The following LMF1 variants were observed in gnomAD, a reference collection of about 807,000 sequenced individuals.
LMF1 encodes lipase maturation factor 1, also known as transmembrane protein 112.
In LMF1, 68 loss-of-function variants were observed where a neutral mutation model predicts 60.6. The ratio of observed to expected loss-of-function variants is 1.12; its 90% CI spans 0.92 to 1.37. LMF1 has a LOEUF of 1.37. LMF1 is among the 40% of genes most tolerant of loss of function. The pLI is 0.00. For synonymous variants in LMF1, 418 were observed against 324.7 expected, an observed-to-expected ratio of 1.29 and a Z score of -3.09; for missense variants, 948 against 767.2, an observed-to-expected ratio of 1.24 and a Z score of -2.78.
In LMF1 at chr16:874,733, C is replaced by T. The variant is rs998515282; in HGVS notation, c.898-3392G>A. ...GGAACCAGGACGGGATCCGGGGAGG[C>T]GGCGCTCAGATGGGAACACACGGAA... On this transcript the variant is annotated intron_variant, in intron 6 of 10. Coordinates refer to ENST00000262301, the MANE Select transcript of LMF1 (RefSeq NM_022773.4). The surrounding 1 kb of genome is among the most constrained non-coding windows in gnomAD (Gnocchi z 4.1). Among the ~76,000 whole-genome samples the T allele has an allele frequency of 1.3e-5, 2 of 151,614 alleles. No individual in the cohort carries two copies. The highest frequency in any genetic ancestry group is 2.9e-5 in the Non-Finnish European group (2 of 67,826).
At chr16:931,773 C>T in intron 3 of LMF1, 2 of 1,287,180 alleles carry the variant, frequency 1.6e-6, no homozygotes, top group Non-Finnish European at 2.0e-6. Flanking sequence ...GCGCGACAGT[C>T]CAAAGTGACG....
intron 10 of LMF1, among the ~76,000 whole-genome samples, chr16:857,924 T>A (rs866625126): frequency 4.1e-4 from 11 of 26,968 alleles, no homozygotes; most frequent in African/African-American, 5.4e-4. Context: ...GCGTGGTGTC[T>A]CGGGATGGGT....
chr16:912,645 C>A (rs556801131), intron 3 of LMF1, among the ~76,000 whole-genome samples: 1 of 152,182 alleles, frequency 6.6e-6, no homozygotes, highest in Non-Finnish European at 1.5e-5. Flanking sequence ...GGTCTCTCAG[C>A]GGGACCCCCT....
At chr16:938,033 T>A (rs2071992400) in intron 2 of LMF1, among the ~76,000 whole-genome samples, 2 of 126,882 alleles carry the variant, frequency 1.6e-5, no homozygotes, top group African/African-American at 7.8e-5. Context: ...TTACAGAAGT[T>A]ACCAAAAAAA....
intron 3 of LMF1, among the ~76,000 whole-genome samples, chr16:928,108 C>T (rs2071662942): frequency 6.6e-6 from 1 of 152,244 alleles, no homozygotes; most frequent in African/African-American, 2.4e-5. Flanking sequence ...AGGCACCCAA[C>T]GCTGGGACAG....
intron 4 of LMF1, among the ~76,000 whole-genome samples, chr16:907,676 G>A (rs527694641): frequency 8.5e-5 from 13 of 152,264 alleles, no homozygotes; most frequent in East Asian, 3.9e-4. Context: ...CCAAGTGCGC[G>A]AGCGGGGGAA....
At chr16:937,409 CCTCT>C (rs1370483557) in intron 2 of LMF1, among the ~76,000 whole-genome samples, 3 of 152,188 alleles carry the variant, frequency 2.0e-5, no homozygotes, top group East Asian at 3.9e-4. Context: ...TAACACGCTC[CCTCT>C]GACTGCCTAG....
chr16:962,298 G>A lies in LMF1; in HGVS notation c.194-7632C>T, dbSNP rs115023734. On this transcript the variant is annotated intron_variant, in intron 1 of 10. Coordinates refer to ENST00000262301, the MANE Select transcript of LMF1 (RefSeq NM_022773.4). This position sits in a 1 kb window ranked among gnomAD's most constrained non-coding sequence, Gnocchi z 4.5. Reference sequence around the variant, plus strand: ...CGACCCAGAGGGAAAATAAATGGGCGTGGGTCCATAGTGACAAAATCAGTG... The same window carrying A: ...CGACCCAGAGGGAAAATAAATGGGCATGGGTCCATAGTGACAAAATCAGTG... 6.6e-6 allele frequency among the ~76,000 whole-genome samples: 1 copy of A among 151,104 alleles called. No homozygotes were observed. Among genetic ancestry groups the A allele is most frequent in the African/African-American group, 2.5e-5 (1 of 40,408 alleles).
At chr16:890,999 C>T (rs1052846094) in intron 5 of LMF1, among the ~76,000 whole-genome samples, 1 of 152,232 alleles carries the variant, frequency 6.6e-6, no homozygotes, top group African/African-American at 2.4e-5. Context: ...TGACGGCTGA[C>T]ACAGAGCACT....
chr16:917,268 C>T (rs115831022), intron 3 of LMF1, among the ~76,000 whole-genome samples: 8 of 150,926 alleles, frequency 5.3e-5, no homozygotes, highest in African/African-American at 9.9e-5. Context: ...CGCAGGCCCA[C>T]GTGAAGAAAT....
At chr16:889,455 C>G (rs1053171347) in intron 5 of LMF1, among the ~76,000 whole-genome samples, 1 of 151,914 alleles carries the variant, frequency 6.6e-6, no homozygotes, top group African/African-American at 2.4e-5. Flanking sequence ...TCTGCACACT[C>G]AGAGCTCCCA....
chr16:918,460 T>C (rs1426352119), intron 3 of LMF1, among the ~76,000 whole-genome samples: 1 of 151,998 alleles, frequency 6.6e-6, no homozygotes, highest in African/African-American at 2.4e-5. Context: ...CGGCAAAGAG[T>C]GTTTAGGATT....
intron 1 of LMF1, among the ~76,000 whole-genome samples, chr16:964,963 C>T (rs372350607): frequency 1.3e-5 from 2 of 152,234 alleles, no homozygotes; most frequent in African/African-American, 2.4e-5. Flanking sequence ...CAGTGCGGCA[C>T]GCATGCCTCC....
chr16:855,631 T>C (rs1225835548), intron 10 of LMF1: 2 of 448,304 alleles, frequency 4.5e-6, no homozygotes, highest in Admixed American at 4.8e-5. Flanking sequence ...CGGAAGCTTC[T>C]CAGCCCACAG....
chr16:902,623 G>A (rs1220293894), intron 4 of LMF1: 18 of 174,384 alleles, frequency 1.0e-4, no homozygotes, highest in South Asian at 3.7e-4. Context: ...GCGTGGTGGT[G>A]ACCTCTGCAT....
At chr16:864,266 CAT>C (rs2151691951) in intron 10 of LMF1, among the ~76,000 whole-genome samples, 1 of 152,246 alleles carries the variant, frequency 6.6e-6, no homozygotes, top group South Asian at 2.1e-4. Context: ...TTAATAGTCA[CAT>C]ATTTTTTTCT....
In LMF1 at chr16:870,887, C is replaced by G. The variant is rs748738256; in HGVS notation, c.1079-5G>C. ...CTGCACGCCGCACCACGGAGCCTGGCAGGGGAGTGACATCTTCCAGGTGGG... is the reference window on the plus strand; with the variant it reads ...CTGCACGCCGCACCACGGAGCCTGGGAGGGGAGTGACATCTTCCAGGTGGG... On this transcript the variant is annotated splice_polypyrimidine_tract_variant and splice_region_variant and intron_variant, in intron 7 of 10. Transcript: ENST00000262301. 6.2e-7 allele frequency: 1 copy of G among 1,601,922 alleles called. No homozygotes were observed.
At chr16:969,529 C>T (rs559810838) in intron 1 of LMF1, among the ~76,000 whole-genome samples, 5 of 152,202 alleles carry the variant, frequency 3.3e-5, no homozygotes, top group Admixed American at 6.5e-5. Context: ...CCAAACTTCC[C>T]GCGACGTGTG....
At chr16:977,903 A>C (rs2073198571) in intron 1 of LMF1, among the ~76,000 whole-genome samples, 1 of 125,628 alleles carries the variant, frequency 8.0e-6, no homozygotes, top group Non-Finnish European at 1.8e-5. Flanking sequence ...CACACACTAA[A>C]CACACACACC....
Sources: gnomAD v4.1 joint callset for allele counts (sites outside exome capture counted in the v4.1 genomes callset) on GRCh38, gnomAD v4.1.1 for gene constraint, Gnocchi (gnomAD v3.1) non-coding constraint, MANE v1.5 for transcripts, NCBI Gene and HGNC (gene_info 2026-07-23, HGNC 2026-07-21) for gene names.